ARHGEF38: variants seen among roughly 807,000 people sequenced by gnomAD.
The protein encoded by ARHGEF38 is Rho guanine nucleotide exchange factor (GEF) 38.
Under a neutral mutation model 79.9 loss-of-function variants are expected in ARHGEF38, and 79 were observed. The ratio of observed to expected loss-of-function variants is 0.99; its 90% CI spans 0.82 to 1.19. ARHGEF38 has a LOEUF of 1.19. ARHGEF38 is among the 50% of genes most tolerant of loss of function. The probability of loss-of-function intolerance (pLI) is 0.00; values close to 1 mark genes in which losing one functional copy is unlikely to be tolerated. For synonymous variants in ARHGEF38, 366 were observed against 328.3 expected (o/e 1.11, Z -1.24); for missense variants, 962 against 907.2 (o/e 1.06, Z -0.78).
intron 1 of ARHGEF38, among the ~76,000 whole-genome samples, chr4:105,585,699 C>T (rs1385407329): frequency 7.7e-6 from 1 of 130,060 alleles, no homozygotes; most frequent in African/African-American, 2.9e-5. Flanking sequence ...ACAATTTTTC[C>T]TTCTTTCCTA....
intron 1 of ARHGEF38, among the ~76,000 whole-genome samples, chr4:105,573,759 A>C (rs985387260): frequency 2.8e-5 from 4 of 141,248 alleles, no homozygotes; most frequent in African/African-American, 1.2e-4. Flanking sequence ...TATTTCTACA[A>C]AAAAAAATTG....
At chr4:105,651,135 A>G (rs1336138089) in intron 7 of ARHGEF38, among the ~76,000 whole-genome samples, 1 of 152,220 alleles carries the variant, frequency 6.6e-6, no homozygotes, top group African/African-American at 2.4e-5. Context: ...TAAGACATTT[A>G]TCATCAACTT....
chr4:105,634,413 G>A (rs949271514), intron 4 of ARHGEF38, among the ~76,000 whole-genome samples: 2 of 152,116 alleles, frequency 1.3e-5, no homozygotes, highest in Non-Finnish European at 2.9e-5. Flanking sequence ...AAAAAGTTTT[G>A]ACAGTCAAAT....
chr4:105,584,672 T>C lies in ARHGEF38; in HGVS notation c.197-4576T>C, dbSNP rs1234452083. Among the ~76,000 whole-genome samples, 3 of 152,372 alleles carry C rather than the reference T, an allele frequency of 2.0e-5. No homozygotes were observed. The East Asian group carries it at 5.8e-4, about 29-fold the overall frequency. On this transcript the variant is annotated intron_variant, in intron 1 of 13. Coordinates refer to ENST00000420470, the MANE Select transcript of ARHGEF38 (RefSeq NM_001242729.2). ...ATCTATCTATAGCTATAGCTATTTC[T>C]ATGTCTATCTATATATAACTTAGAT...
chr4:105,678,209 T>C lies in ARHGEF38; in HGVS notation c.*272T>C. 2 of 287,892 alleles carry C rather than the reference T, an allele frequency of 6.9e-6. No individual in the cohort carries two copies. The highest frequency in any genetic ancestry group is 1.3e-5 in the Non-Finnish European group (2 of 157,096). The allele number at this position is 287,892 out of a possible 1,614,324, so 17.8% of individuals were successfully genotyped here. On this transcript the variant is annotated 3_prime_UTR_variant, in exon 14 of 14. Coordinates refer to ENST00000420470, the MANE Select transcript of ARHGEF38 (RefSeq NM_001242729.2). ...TCAACTATTTAAAAGTGAAGATCTT[T>C]TGAAGGAGTAATTATATTCTTTTAT...
At chr4:105,605,425 C>T (rs1727997114) in intron 2 of ARHGEF38, among the ~76,000 whole-genome samples, 1 of 152,072 alleles carries the variant, frequency 6.6e-6, no homozygotes, top group Non-Finnish European at 1.5e-5. Flanking sequence ...TGTTCCAGAA[C>T]TCCCACTCCC....
chr4:105,561,394 GTAGAATAATAGAATAGAA>G (rs1266202233), intron 1 of ARHGEF38, among the ~76,000 whole-genome samples: 5 of 26,816 alleles, frequency 1.9e-4, no homozygotes, highest in Admixed American at 9.6e-4. Context: ...CAAAAATAGA[GTAGAATAATAGAATAGAA>G]TAGAATAGAA....
In ARHGEF38 at chr4:105,677,675, A is replaced by G. The variant is rs928477786; in HGVS notation, c.2149-77A>G. On this transcript the variant is annotated intron_variant, in intron 13 of 13. Coordinates refer to ENST00000420470, the MANE Select transcript of ARHGEF38 (RefSeq NM_001242729.2). The stretch of plus-strand genomic sequence containing the variant: ...AAAAAAACTTTAGCATTGCTTCTAA[A>G]AGCTTGGAAACTTTTATGATGTTTC... 9 of 1,299,110 alleles carry G rather than the reference A, an allele frequency of 6.9e-6. No individual in the cohort carries two copies. In the African/African-American group the frequency reaches 1.3e-4, roughly 19 times the overall value. The allele number at this position is 1,299,110 out of a possible 1,614,324, so 80.5% of individuals were successfully genotyped here.
intron 2 of ARHGEF38, among the ~76,000 whole-genome samples, chr4:105,599,431 C>T (rs142009380): frequency 9.9e-5 from 15 of 152,248 alleles, no homozygotes; most frequent in African/African-American, 3.1e-4. Context: ...ATGTGTTAAG[C>T]GGATCTGTTT....
intron 2 of ARHGEF38, among the ~76,000 whole-genome samples, chr4:105,612,588 A>G (rs1728338678): frequency 6.6e-6 from 1 of 152,146 alleles, no homozygotes; most frequent in African/African-American, 2.4e-5. Context: ...AACTTAAACT[A>G]AAGGGAATTA....
chr4:105,577,685 A>G (rs561408383), intron 1 of ARHGEF38, among the ~76,000 whole-genome samples: 35 of 152,086 alleles, frequency 2.3e-4, no homozygotes, highest in African/African-American at 8.4e-4. Flanking sequence ...GAATGTATCC[A>G]TTTCCTATAG....
chr4:105,660,552 G>A (rs560266852), intron 10 of ARHGEF38, among the ~76,000 whole-genome samples: 1 of 151,540 alleles, frequency 6.6e-6, no homozygotes, highest in South Asian at 2.1e-4. Context: ...CGATTTTCCT[G>A]CCTCAGCCTC....
chr4:105,619,512 C>G (rs1423942340), intron 3 of ARHGEF38, among the ~76,000 whole-genome samples: 1 of 151,628 alleles, frequency 6.6e-6, no homozygotes, highest in Non-Finnish European at 1.5e-5. Context: ...TCTTTTTTTT[C>G]CTGTGGTAAT....
chr4:105,587,365 A>G (rs1727103628), intron 1 of ARHGEF38, among the ~76,000 whole-genome samples: 1 of 152,162 alleles, frequency 6.6e-6, no homozygotes, highest in South Asian at 2.1e-4. Flanking sequence ...CATAATATAG[A>G]TCAGGATTGG....
At chr4:105,624,879 TG>T (rs1397588465) in intron 3 of ARHGEF38, among the ~76,000 whole-genome samples, 1 of 152,188 alleles carries the variant, frequency 6.6e-6, no homozygotes, top group Non-Finnish European at 1.5e-5. Flanking sequence ...TTCGCTCAGC[TG>T]TGTGTGTCAC....
chr4:105,575,233 C>T (rs944841008), intron 1 of ARHGEF38, among the ~76,000 whole-genome samples: 14 of 152,118 alleles, frequency 9.2e-5, no homozygotes, highest in African/African-American at 3.4e-4. Context: ...AATCTCCATA[C>T]TATTTTTCAT....
At chr4:105,569,414 C>A (rs1471304273) in intron 1 of ARHGEF38, among the ~76,000 whole-genome samples, 2 of 152,142 alleles carry the variant, frequency 1.3e-5, no homozygotes, top group East Asian at 3.8e-4. Context: ...GGGCAATTTC[C>A]TGATAGATGG....
intron 13 of ARHGEF38, 109 bp downstream of exon 13, chr4:105,667,812 CA>C: frequency 1.5e-6 from 2 of 1,298,234 alleles, no homozygotes; most frequent in Non-Finnish European, 2.1e-6. Context: ...GCTTTGACAT[CA>C]AGGAGACCTG....
intron 4 of ARHGEF38, chr4:105,631,643 A>T (rs772265722): frequency 1.0e-6 from 1 of 984,838 alleles, no homozygotes; most frequent in Non-Finnish European, 1.2e-6. Context: ...GAAAAATATA[A>T]CAAAGTATGT....
Sources: allele counts gnomAD v4.1 joint callset (sites outside exome capture counted in the v4.1 genomes callset), GRCh38; gene constraint gnomAD v4.1.1; transcripts MANE v1.5; gene names NCBI Gene and HGNC (gene_info 2026-07-23, HGNC 2026-07-21).